GRM8: variants seen among roughly 807,000 people sequenced by gnomAD.
GRM8 encodes glutamate metabotropic receptor 8.
Under a neutral mutation model 87.2 loss-of-function variants are expected in GRM8, and 47 were observed. The ratio of observed to expected loss-of-function variants is 0.54; its 90% confidence interval spans 0.43 to 0.69. The LOEUF (loss-of-function observed/expected upper bound fraction) is 0.69. Among genes scored for constraint, GRM8 ranks in the 30% least tolerant of loss-of-function variants. The pLI is 0.00. For missense variants in GRM8, 1,019 were observed against 1,139.2 expected (o/e 0.89, Z 1.52); for synonymous variants, 396 against 404.5 (o/e 0.98, Z 0.25).
At chr7:126,553,631 T>C (rs1382216475) in intron 8 of GRM8, among the ~76,000 whole-genome samples, 1 of 152,126 alleles carries the variant, frequency 6.6e-6, no homozygotes. Context: ...CTAATACATC[T>C]AGTTTTGAAT....
In GRM8 at chr7:126,474,874, G is replaced by T. The variant is rs948077741; in HGVS notation, c.2431-28502C>A. 2.0e-5 allele frequency among the ~76,000 whole-genome samples: 3 copies of T among 151,972 alleles called. No homozygotes were observed. The South Asian group carries it at 6.2e-4, about 32-fold the overall frequency. On this transcript the variant is annotated intron_variant, in intron 9 of 10. Coordinates refer to ENST00000339582, the MANE Select transcript of GRM8 (RefSeq NM_000845.3). The stretch of plus-strand genomic sequence containing the variant: ...GATACACCACACTTATAGAACAAAG[G>T]ATAAAAATTATATGATCACCTCAAT...
At chr7:126,490,679 G>T (rs1807901414) in intron 9 of GRM8, among the ~76,000 whole-genome samples, 2 of 151,912 alleles carry the variant, frequency 1.3e-5, no homozygotes, top group African/African-American at 4.8e-5. Flanking sequence ...TGCCTCCCCT[G>T]TTTCAGTCAC....
At chr7:126,551,786 T>C (rs1220775562) in intron 8 of GRM8, among the ~76,000 whole-genome samples, 1 of 152,128 alleles carries the variant, frequency 6.6e-6, no homozygotes, top group African/African-American at 2.4e-5. Flanking sequence ...CTAGCTTTCT[T>C]TCTCTTCTAA....
intron 6 of GRM8, among the ~76,000 whole-genome samples, chr7:126,798,764 A>C (rs1822286142): frequency 6.6e-6 from 1 of 152,160 alleles, no homozygotes; most frequent in Admixed American, 6.5e-5. Flanking sequence ...CACATCACTG[A>C]GGACAGATGA....
At chr7:127,135,169 T>G (rs965455389) in intron 2 of GRM8, among the ~76,000 whole-genome samples, 4 of 152,124 alleles carry the variant, frequency 2.6e-5, no homozygotes, top group Non-Finnish European at 4.4e-5. Context: ...AAAGGAAGTT[T>G]ACTCAGTAAA....
At chr7:126,453,503 G>A (rs1802878601) in intron 9 of GRM8, among the ~76,000 whole-genome samples, 2 of 151,716 alleles carry the variant, frequency 1.3e-5, no homozygotes, top group African/African-American at 2.4e-5. Flanking sequence ...CCTTAACCTT[G>A]GAATGATTGG....
intron 7 of GRM8, among the ~76,000 whole-genome samples, chr7:126,633,607 A>G (rs1414927067): frequency 6.6e-6 from 1 of 152,174 alleles, no homozygotes; most frequent in Non-Finnish European, 1.5e-5. Context: ...TTCTTATATC[A>G]TTTAATCTTA....
At chr7:127,152,476 T>C (rs1792452675) in intron 2 of GRM8, among the ~76,000 whole-genome samples, 1 of 152,056 alleles carries the variant, frequency 6.6e-6, no homozygotes, top group Non-Finnish European at 1.5e-5. Flanking sequence ...ATTGAGAGTA[T>C]CTATGGCAAA....
intron 7 of GRM8, among the ~76,000 whole-genome samples, chr7:126,713,321 T>C (rs1393337782): frequency 6.6e-6 from 1 of 151,956 alleles, no homozygotes. Flanking sequence ...CTGGGTACCA[T>C]CATTCTCAGC....
intron 9 of GRM8, among the ~76,000 whole-genome samples, chr7:126,526,459 C>T (rs1813864699): frequency 6.6e-6 from 1 of 152,128 alleles, no homozygotes; most frequent in Admixed American, 6.5e-5. Context: ...GGTCTAGTTG[C>T]ATAAATTATT....
At chr7:127,087,919 T>C (rs934920761) in intron 3 of GRM8, among the ~76,000 whole-genome samples, 4 of 152,230 alleles carry the variant, frequency 2.6e-5, no homozygotes, top group African/African-American at 9.6e-5. Context: ...GTGCCTTGCC[T>C]GCTTCACGAT....
chr7:127,078,301 C>A (rs1193645997), intron 3 of GRM8, among the ~76,000 whole-genome samples: 1 of 152,210 alleles, frequency 6.6e-6, no homozygotes, highest in Non-Finnish European at 1.5e-5. Flanking sequence ...ACACCACCGT[C>A]CTACCATCCG....
intron 6 of GRM8, among the ~76,000 whole-genome samples, chr7:126,855,872 T>C (rs1408444504): frequency 6.6e-6 from 1 of 152,030 alleles, no homozygotes; most frequent in Admixed American, 6.6e-5. Context: ...GGTGATAAAG[T>C]CCCTGGAACA....
chr7:126,928,671 CA>C (rs57576564), intron 3 of GRM8, among the ~76,000 whole-genome samples: 7,380 of 98,492 alleles, frequency 0.075, 474 homozygotes, highest in African/African-American at 0.21. Context: ...GACCCTGCCT[CA>C]AAAAAAAAAA....
intron 3 of GRM8, among the ~76,000 whole-genome samples, chr7:126,958,196 T>A (rs1020897146): frequency 6.6e-6 from 1 of 152,148 alleles, no homozygotes; most frequent in African/African-American, 2.4e-5. Context: ...TACTTCATTC[T>A]TCCTGGATGT....
At chr7:126,815,176 C>T (rs772399118) in intron 6 of GRM8, among the ~76,000 whole-genome samples, 41 of 152,164 alleles carry the variant, frequency 2.7e-4, no homozygotes, top group Non-Finnish European at 5.4e-4. Context: ...CCATGGCTGT[C>T]CAGTTCGTGA....
chr7:126,888,552 T>A (rs181673721), intron 6 of GRM8, among the ~76,000 whole-genome samples: 1 of 152,274 alleles, frequency 6.6e-6, no homozygotes, highest in East Asian at 1.9e-4. Context: ...TTAAATTTTA[T>A]TTAAATTATC....
chr7:126,954,490 T>TAA (rs1196021370), intron 3 of GRM8, among the ~76,000 whole-genome samples: 1 of 152,178 alleles, frequency 6.6e-6, no homozygotes, highest in Admixed American at 6.5e-5. Flanking sequence ...ATACTTATAC[T>TAA]AAAAATTATT....
intron 3 of GRM8, among the ~76,000 whole-genome samples, chr7:127,105,757 G>A (rs888362239): frequency 8.6e-5 from 13 of 152,046 alleles, no homozygotes; most frequent in African/African-American, 1.9e-4. Context: ...ACAAAGATAT[G>A]TTGTTGACAA....
Sources: allele counts gnomAD v4.1 joint callset (sites outside exome capture counted in the v4.1 genomes callset), GRCh38; gene constraint gnomAD v4.1.1; transcripts MANE v1.5; gene names NCBI Gene and HGNC (gene_info 2026-07-23, HGNC 2026-07-21).